Variants in AFF3 observed in about 807,000 individuals in gnomAD.
The protein encoded by AFF3 is ALF transcription elongation factor 3, also known as AF4/FMR2 family member 3.
A neutral mutation model predicts 129.7 loss-of-function variants in AFF3; 32 were observed. That is an observed-to-expected ratio of 0.25 (90% CI 0.19 to 0.33). The LOEUF is 0.33. Among genes scored for constraint, AFF3 ranks in the 10% least tolerant of loss-of-function variants. The pLI is 1.00. For synonymous variants in AFF3, 644 were observed against 635.4 expected (o/e 1.01, Z -0.20); for missense variants, 1,373 against 1,592.0 (o/e 0.86, Z 2.34).
At chr2:99,890,478 T>C (rs1196287814) in intron 7 of AFF3, among the ~76,000 whole-genome samples, 1 of 152,196 alleles carries the variant, frequency 6.6e-6, no homozygotes, top group African/African-American at 2.4e-5. Flanking sequence ...TCATTTTCAA[T>C]TATGACAAAA....
chr2:99,805,897 T>C (rs1686315099), intron 8 of AFF3, among the ~76,000 whole-genome samples: 2 of 151,884 alleles, frequency 1.3e-5, no homozygotes. Flanking sequence ...AGGATGCTTT[T>C]GTTTTTGTCT....
At chr2:99,653,645 G>A (rs1431515682) in intron 12 of AFF3, among the ~76,000 whole-genome samples, 1 of 152,186 alleles carries the variant, frequency 6.6e-6, no homozygotes, top group South Asian at 2.1e-4. Context: ...TGTTAGCCCC[G>A]TCTTCTAATA....
intron 8 of AFF3, among the ~76,000 whole-genome samples, chr2:99,786,821 G>A (rs1479118285): frequency 6.6e-6 from 1 of 152,132 alleles, no homozygotes; most frequent in African/African-American, 2.4e-5. Context: ...TAGCTGCAAT[G>A]GCTGAATTCC....
chr2:99,616,710 C>T (rs1248103374), intron 13 of AFF3, among the ~76,000 whole-genome samples: 5 of 151,978 alleles, frequency 3.3e-5, no homozygotes, highest in Admixed American at 6.6e-5. Flanking sequence ...GAGCCGAGAT[C>T]GCGCCACTGC....
intron 7 of AFF3, among the ~76,000 whole-genome samples, chr2:99,898,923 G>A (rs1694170674): frequency 6.6e-6 from 1 of 152,096 alleles, no homozygotes; most frequent in South Asian, 2.1e-4. Flanking sequence ...CCCACCAGCA[G>A]CCCAGTCTCC....
intron 7 of AFF3, among the ~76,000 whole-genome samples, chr2:99,906,923 A>T (rs1694761328): frequency 6.6e-6 from 1 of 151,936 alleles, no homozygotes; most frequent in Non-Finnish European, 1.5e-5. Flanking sequence ...TCTCTGTTGG[A>T]GCCCATACTG....
At chr2:99,956,583 TTGTTTTTACATTAAAA>T (rs1676673874) in intron 7 of AFF3, among the ~76,000 whole-genome samples, 2 of 152,232 alleles carry the variant, frequency 1.3e-5, no homozygotes, top group African/African-American at 2.4e-5. Context: ...CTGCAAAGCC[TTGTTTTTACATTAAAA>T]TAAATTTAAA....
At chr2:100,020,821 C>T (rs1045626269) in intron 4 of AFF3, among the ~76,000 whole-genome samples, 2 of 152,214 alleles carry the variant, frequency 1.3e-5, no homozygotes, top group Admixed American at 6.5e-5. Context: ...ATGTATCTCC[C>T]GGCTGCTCTT....
chr2:99,914,069 A>G (rs1695286790), intron 7 of AFF3, among the ~76,000 whole-genome samples: 1 of 152,180 alleles, frequency 6.6e-6, no homozygotes, highest in South Asian at 2.1e-4. Flanking sequence ...TGATGAAAAG[A>G]TGTCTACACG....
At chr2:100,086,186 G>A (rs1337637724) in intron 4 of AFF3, among the ~76,000 whole-genome samples, 77 of 152,192 alleles carry the variant, frequency 5.1e-4, no homozygotes, top group Non-Finnish European at 4.1e-4. Context: ...TAATGTATCT[G>A]GTTTGTAAGA....
At chr2:99,988,409 G>C (rs1233640668) in intron 7 of AFF3, among the ~76,000 whole-genome samples, 1 of 152,176 alleles carries the variant, frequency 6.6e-6, no homozygotes, top group African/African-American at 2.4e-5. Flanking sequence ...CTAAAGTATA[G>C]TGTACCTGGC....
intron 14 of AFF3, among the ~76,000 whole-genome samples, chr2:99,594,499 G>A (rs1013774539): frequency 6.6e-6 from 1 of 152,164 alleles, no homozygotes; most frequent in Non-Finnish European, 1.5e-5. Flanking sequence ...TTACCGGCCC[G>A]TGGCACTAAA....
chr2:99,876,166 T>G (rs192786740), intron 7 of AFF3, among the ~76,000 whole-genome samples: 2 of 152,202 alleles, frequency 1.3e-5, no homozygotes, highest in Non-Finnish European at 2.9e-5. Flanking sequence ...GGACATGCTA[T>G]GAATCCCGGT....
At chr2:99,974,861 G>A (rs1028795562) in intron 7 of AFF3, among the ~76,000 whole-genome samples, 9 of 152,164 alleles carry the variant, frequency 5.9e-5, no homozygotes, top group African/African-American at 1.4e-4. Flanking sequence ...ATTGTGACAC[G>A]TGTGACAAAC....
chr2:99,599,260 T>C (rs959560225), intron 14 of AFF3, among the ~76,000 whole-genome samples: 4 of 152,198 alleles, frequency 2.6e-5, no homozygotes, highest in Non-Finnish European at 4.4e-5. Context: ...TCTTTTTTTC[T>C]TTCTTTCTTT....
intron 7 of AFF3, among the ~76,000 whole-genome samples, chr2:99,839,768 T>C (rs530503777): frequency 3.3e-5 from 5 of 152,008 alleles, no homozygotes; most frequent in Non-Finnish European, 2.9e-5. Context: ...TGTATCACCA[T>C]GCCCGGCTAA....
At chr2:99,575,317 T>C (rs1676877695) in intron 18 of AFF3, among the ~76,000 whole-genome samples, 1 of 152,120 alleles carries the variant, frequency 6.6e-6, no homozygotes, top group African/African-American at 2.4e-5. Flanking sequence ...TGGAGTGCAA[T>C]GGCATGATCT....
At chr2:100,026,238 G>C (rs542119345) in intron 4 of AFF3, among the ~76,000 whole-genome samples, 1 of 152,134 alleles carries the variant, frequency 6.6e-6, no homozygotes, top group South Asian at 2.1e-4. Context: ...GTGGGCTAAG[G>C]ACATGAATAG....
chr2:99,778,170 C>A (rs1684093152), intron 8 of AFF3, among the ~76,000 whole-genome samples: 1 of 152,062 alleles, frequency 6.6e-6, no homozygotes, highest in Non-Finnish European at 1.5e-5. Context: ...CCTTCTGGAT[C>A]CTGCCTGGAG....
Sources: gnomAD v4.1 joint callset for allele counts (sites outside exome capture counted in the v4.1 genomes callset) on GRCh38, gnomAD v4.1.1 for gene constraint, MANE v1.5 for transcripts, NCBI Gene and HGNC (gene_info 2026-07-23, HGNC 2026-07-21) for gene names.